GNAI3: variants seen among roughly 807,000 people sequenced by gnomAD.
GNAI3 encodes guanine nucleotide-binding protein G(i) subunit alpha-3.
Under a neutral mutation model 41.8 loss-of-function variants are expected in GNAI3, and 12 were observed. That is an observed-to-expected ratio of 0.29 (90% CI 0.18 to 0.47). The LOEUF is 0.47. GNAI3 is among the 20% of genes least tolerant of loss of function. GNAI3 has a pLI of 1.00. For synonymous variants in GNAI3, 132 were observed against 146.5 expected (o/e 0.90, Z 0.71); for missense variants, 360 against 429.6 (o/e 0.84, Z 1.43).
intron 3 of GNAI3, among the ~76,000 whole-genome samples, chr1:109,578,776 G>A (rs1320821524): frequency 3.9e-5 from 6 of 152,164 alleles, no homozygotes; most frequent in Admixed American, 2.6e-4. Flanking sequence ...CCTTTGAGGT[G>A]TTTAGACTTT....
At chr1:109,574,203 G>A (rs1406894522) in intron 3 of GNAI3, among the ~76,000 whole-genome samples, 166 bp downstream of exon 3, 8 of 152,072 alleles carry the variant, frequency 5.3e-5, no homozygotes, top group Admixed American at 3.9e-4. Context: ...ACTTTAGCAG[G>A]TGTTAGATAT....
At chr1:109,577,514 A>G (rs1272203623) in intron 3 of GNAI3, among the ~76,000 whole-genome samples, 1 of 151,928 alleles carries the variant, frequency 6.6e-6, no homozygotes, top group Non-Finnish European at 1.5e-5. Context: ...TGACCTTGTG[A>G]TCCACCCGCC....
chr1:109,556,889 A>G (rs1648168076), intron 1 of GNAI3, among the ~76,000 whole-genome samples: 1 of 152,172 alleles, frequency 6.6e-6, no homozygotes. Flanking sequence ...TATTTTTCTT[A>G]GTAAATACAT....
intron 1 of GNAI3, among the ~76,000 whole-genome samples, chr1:109,566,410 A>T (rs1648455769): frequency 1.3e-5 from 2 of 152,322 alleles, no homozygotes; most frequent in South Asian, 4.1e-4. Flanking sequence ...TCAGGCATGT[A>T]GGAGACATGT....
intron 1 of GNAI3, among the ~76,000 whole-genome samples, chr1:109,559,049 G>A (rs1172478252): frequency 2.6e-5 from 4 of 151,922 alleles, no homozygotes; most frequent in East Asian, 3.9e-4. Context: ...ATGGTGGTGC[G>A]CACCTGTAAT....
intron 4 of GNAI3, among the ~76,000 whole-genome samples, chr1:109,580,054 T>C (rs931668219): frequency 6.6e-6 from 1 of 152,206 alleles, no homozygotes. Context: ...CAGACTGGAG[T>C]GCAGTGGCTC....
At position 109,594,505 on chromosome 1, in the gene GNAI3, C is replaced by G. The variant is rs1649247632; in HGVS notation, c.*2183C>G. On this transcript the variant is annotated 3_prime_UTR_variant, in exon 9 of 9. Transcript: ENST00000369851. Reference sequence around the variant, plus strand: ...TAACATGAAGATCACTCTTATTTCACCATCCCAAATAACTTATCTAAATGC... The same window carrying G: ...TAACATGAAGATCACTCTTATTTCAGCATCCCAAATAACTTATCTAAATGC... 1 of 152,162 alleles carries G rather than the reference C, an allele frequency of 6.6e-6. No individual in the cohort carries two copies. Among genetic ancestry groups the G allele is most frequent in the African/African-American group, 2.4e-5 (1 of 41,430 alleles). 9.4% of individuals were successfully genotyped at this position (152,162 alleles called of 1,614,324 possible).
At chr1:109,586,509 C>T (rs897155510) in intron 6 of GNAI3, among the ~76,000 whole-genome samples, 164 bp downstream of exon 6, 1 of 152,124 alleles carries the variant, frequency 6.6e-6, no homozygotes, top group Non-Finnish European at 1.5e-5. Context: ...TTATAGCCAC[C>T]TTGAGTATGT....
At chr1:109,563,401 A>G (rs1358585734) in intron 1 of GNAI3, among the ~76,000 whole-genome samples, 1 of 152,118 alleles carries the variant, frequency 6.6e-6, no homozygotes, top group Non-Finnish European at 1.5e-5. Context: ...CAAACAAACA[A>G]ACAAAAAACG....
chr1:109,560,448 A>G (rs975968950), intron 1 of GNAI3, among the ~76,000 whole-genome samples: 4 of 152,090 alleles, frequency 2.6e-5, no homozygotes, highest in Non-Finnish European at 5.9e-5. Flanking sequence ...CCTTGCCGTG[A>G]TCAAAACATG....
At chr1:109,555,936 T>A in intron 1 of GNAI3, among the ~76,000 whole-genome samples, 1 of 133,776 alleles carries the variant, frequency 7.5e-6, no homozygotes, top group South Asian at 2.5e-4. Context: ...CAGCATACTT[T>A]CTCCTGGGGA....
chr1:109,591,783 T>C, intron 7 of GNAI3: 1 of 390,760 alleles, frequency 2.6e-6, no homozygotes, highest in South Asian at 7.7e-5. Context: ...AGCTGAAAAG[T>C]CTAAATGAAA....
intron 1 of GNAI3, among the ~76,000 whole-genome samples, chr1:109,553,880 C>A (rs1203240901): frequency 6.6e-6 from 1 of 152,160 alleles, no homozygotes; most frequent in African/African-American, 2.4e-5. Flanking sequence ...CCCCGAGTCC[C>A]CAAAGTCCGT....
chr1:109,598,746 A>T lies in GNAI3; in HGVS notation c.*6424A>T. On this transcript the variant is annotated 3_prime_UTR_variant, in exon 9 of 9. Transcript: ENST00000369851. ...ACTAGTGCTTTTTCATGGCAAAAAG[A>T]CAGAAAAGTTCCCTTCTGCAGTCTC... The T allele has an allele frequency of 1.6e-5, 5 of 320,026 alleles. 1 individual carries two copies. The highest frequency in any genetic ancestry group is 1.3e-4 in the South Asian group (5 of 37,608). The allele number at this position is 320,026 out of a possible 1,614,324, so 19.8% of individuals were successfully genotyped here.
At chr1:109,591,304 C>CT (rs11369270) in intron 7 of GNAI3, among the ~76,000 whole-genome samples, 15,158 of 148,386 alleles carry the variant, frequency 0.1, 764 homozygotes, top group African/African-American at 0.13. Context: ...TGTTGAATTC[C>CT]TTTTTTTTTT....
At chr1:109,570,480 T>G (rs1226907680) in intron 1 of GNAI3, among the ~76,000 whole-genome samples, 1 of 152,198 alleles carries the variant, frequency 6.6e-6, no homozygotes, top group East Asian at 1.9e-4. Flanking sequence ...AATGAGCTAA[T>G]CTGTCATGTG....
chr1:109,585,060 G>T (rs2101108832), intron 5 of GNAI3, among the ~76,000 whole-genome samples: 1 of 152,314 alleles, frequency 6.6e-6, no homozygotes, highest in Non-Finnish European at 1.5e-5. Context: ...ATCACCAACT[G>T]TGTCTTATTT....
chr1:109,556,211 T>C (rs980403444), intron 1 of GNAI3, among the ~76,000 whole-genome samples: 1 of 151,890 alleles, frequency 6.6e-6, no homozygotes, highest in Non-Finnish European at 1.5e-5. Flanking sequence ...GCCACCACCG[T>C]TGGCTAATTT....
At chr1:109,575,676 C>T (rs12037103) in intron 3 of GNAI3, among the ~76,000 whole-genome samples, 1 of 150,884 alleles carries the variant, frequency 6.6e-6, no homozygotes, top group African/African-American at 2.4e-5. Context: ...AGATTACAGG[C>T]GCTCACCTCC....
Sources: gnomAD v4.1 joint callset for allele counts (sites outside exome capture counted in the v4.1 genomes callset) on GRCh38, gnomAD v4.1.1 for gene constraint, MANE v1.5 for transcripts, NCBI Gene and HGNC (gene_info 2026-07-23, HGNC 2026-07-21) for gene names.